The following NAPG variants were observed in gnomAD, a reference collection of about 807,000 sequenced individuals.
The protein encoded by NAPG is NSF attachment protein gamma, also known as gamma-soluble NSF attachment protein.
NAPG carries 25 observed loss-of-function variants against 48.4 expected under a neutral mutation model. The observed-to-expected ratio is 0.52, with a 90% CI of 0.38 to 0.72. The LOEUF (loss-of-function observed/expected upper bound fraction) is 0.72, where lower values mean the gene tolerates loss of function less well. NAPG is among the 30% of genes least tolerant of loss of function. The pLI, the probability that NAPG is intolerant of heterozygous loss-of-function variation, is 0.00. For missense variants in NAPG, 359 were observed against 372.5 expected (o/e 0.96, Z 0.30); for synonymous variants, 139 against 127.2 (o/e 1.09, Z -0.62).
Position 10,546,041 on chromosome 18 carries a change from G to A in NAPG, c.507-285G>A, listed in dbSNP as rs182665149. Among the ~76,000 whole-genome samples, 16 of 152,286 alleles carry A rather than the reference G, an allele frequency of 1.1e-4. No homozygotes were observed. Among genetic ancestry groups the A allele is most frequent in the African/African-American group, 2.9e-4 (12 of 41,560 alleles). On this transcript the variant is annotated intron_variant, in intron 8 of 11. Coordinates refer to ENST00000322897, the MANE Select transcript of NAPG (RefSeq NM_003826.3). The surrounding 1 kb of genome is among the most constrained non-coding windows in gnomAD (Gnocchi z 4.0). The stretch of plus-strand genomic sequence containing the variant: ...GTATCACGAAGAAGTCGTGACACTC[G>A]CTATTGGACAGTCCTTACTAAGCTT...
rs2032215166 is a variant in NAPG, at chr18:10,544,229, A to C, written c.507-2097A>C. On this transcript the variant is annotated intron_variant, in intron 8 of 11. Transcript: ENST00000322897. This position sits in a 1 kb window ranked among gnomAD's most constrained non-coding sequence, Gnocchi z 5.1. ...TTATTTCTGCATAGCAGATTGCTAC[A>C]AACTTAGCAGCTTAAAACAGTACTC... 6.6e-6 allele frequency among the ~76,000 whole-genome samples: 1 copy of C among 152,234 alleles called. No individual in the cohort carries two copies. The highest frequency in any genetic ancestry group is 2.4e-5 in the African/African-American group (1 of 41,464).
In NAPG at chr18:10,550,442, C is replaced by T. The variant is rs1332676491; in HGVS notation, c.*222C>T. 4.8e-6 allele frequency: 2 copies of T among 414,306 alleles called. No homozygotes were observed. Among genetic ancestry groups the T allele is most frequent in the Non-Finnish European group, 8.4e-6 (2 of 239,376 alleles). 25.7% of individuals were successfully genotyped at this position (414,306 alleles called of 1,614,324 possible). On this transcript the variant is annotated 3_prime_UTR_variant, in exon 12 of 12. Transcript: ENST00000322897. ...CATAAGAGCTTTTCTAAGACACCAGCAGGAATTAACAGAAAATGTACTGTC... is the reference window on the plus strand; with the variant it reads ...CATAAGAGCTTTTCTAAGACACCAGTAGGAATTAACAGAAAATGTACTGTC...
chr18:10,526,246 G>GCCC, intron 1 of NAPG, 88 bp downstream of exon 1: 1 of 490,186 alleles, frequency 2.0e-6, no homozygotes, highest in African/African-American at 2.0e-5. Context: ...GGGCGGGAGG[G>GCCC]AGGGCTCAGG....
rs532757726 is a variant in NAPG, at chr18:10,532,691, A to G, written c.125-20A>G. The stretch of plus-strand genomic sequence containing the variant: ...GAGGTTTTTAATGATGGAAATAGTC[A>G]ATTTTTTTTTCTATTTCAGCTGTTG... On this transcript the variant is annotated intron_variant, in intron 2 of 11. Transcript: ENST00000322897. 3.7e-5 allele frequency: 58 copies of G among 1,547,172 alleles called. No individual in the cohort carries two copies. The South Asian group carries it at 6.5e-4, about 17-fold the overall frequency.
At chr18:10,536,417 C>T (rs1215827850) in intron 5 of NAPG, among the ~76,000 whole-genome samples, 1 of 152,192 alleles carries the variant, frequency 6.6e-6, no homozygotes, top group Non-Finnish European at 1.5e-5. Flanking sequence ...ATTTTGTAGA[C>T]ATATGCACAA....
intron 4 of NAPG, among the ~76,000 whole-genome samples, chr18:10,533,795 T>C (rs1044787757): frequency 7.9e-6 from 1 of 127,050 alleles, no homozygotes; most frequent in Non-Finnish European, 1.7e-5. Context: ...TTCAGTAGCC[T>C]ATGGGAAAAA....
intron 2 of NAPG, 114 bp from the exon 3 acceptor site, chr18:10,532,597 C>A (rs1276851837): frequency 1.4e-6 from 1 of 716,040 alleles, no homozygotes; most frequent in Non-Finnish European, 2.2e-6. Flanking sequence ...TAGGATACTT[C>A]CTAAGTATTT....
chr18:10,547,003 C>T (rs67666665), intron 9 of NAPG, among the ~76,000 whole-genome samples: 7,977 of 152,174 alleles, frequency 0.052, 292 homozygotes, highest in Middle Eastern at 0.1. Flanking sequence ...GAGAAAATTC[C>T]GGAAAGGAGA....
intron 9 of NAPG, among the ~76,000 whole-genome samples, chr18:10,547,271 C>A (rs553485844): frequency 2.6e-5 from 4 of 152,192 alleles, no homozygotes; most frequent in Non-Finnish European, 5.9e-5. Context: ...TAGTCTGAAC[C>A]TAACTGGGGT....
rs192775253 is a variant in NAPG, at chr18:10,532,939, A to G, written c.209+144A>G. On this transcript the variant is annotated intron_variant, in intron 3 of 11. Coordinates refer to ENST00000322897, the MANE Select transcript of NAPG (RefSeq NM_003826.3). ...GATTAGAAAAATTCTGTATTTTTAA[A>G]CTATGAAGGAGCGTTTATAATGAAG... The G allele has an allele frequency of 1.1e-4, 79 of 735,432 alleles. 1 individual carries two copies. Among genetic ancestry groups the G allele is most frequent in the Non-Finnish European group, 1.6e-4 (71 of 455,412 alleles). The allele number at this position is 735,432 out of a possible 1,614,324, so 45.6% of individuals were successfully genotyped here. A position where few individuals can be genotyped will look rare whatever the true frequency, so the allele number is the denominator to read the frequency against.
chr18:10,552,080 T>G lies in NAPG; in HGVS notation c.*1860T>G, dbSNP rs1488357404. 5.3e-5 allele frequency: 8 copies of G among 152,220 alleles called. No individual in the cohort carries two copies. The highest frequency in any genetic ancestry group is 1.2e-4 in the Non-Finnish European group (8 of 68,040). 9.4% of individuals were successfully genotyped at this position (152,220 alleles called of 1,614,324 possible). ...AATTAGTAATCTGTTTAAACAGATT[T>G]GGCAATACTTTAAAGATACTGTAGA... On this transcript the variant is annotated 3_prime_UTR_variant, in exon 12 of 12. Coordinates refer to ENST00000322897, the MANE Select transcript of NAPG (RefSeq NM_003826.3).
In NAPG at chr18:10,546,391, C is replaced by G; in HGVS notation, c.572C>G (p.Pro191Arg). The change falls in exon 9 of 12, where the codon CCA (proline) becomes CGA (arginine). Residue 191 changes from proline (P) to arginine (R), a missense_variant. Transcript: ENST00000322897. This position sits in a 1 kb window ranked among gnomAD's most constrained non-coding sequence, Gnocchi z 4.0. Reference sequence around the variant, plus strand: ...ATTTATAAGGAAATTGAGAATTATCCAACTTGTTATAAGGTATTCTTTGAA... The same window carrying G: ...ATTTATAAGGAAATTGAGAATTATCGAACTTGTTATAAGGTATTCTTTGAA... ...KNIYKEIENY[P>R]TCYKKTIAQV... 6.5e-7 allele frequency: 1 copy of G among 1,548,714 alleles called. No individual in the cohort carries two copies. The highest frequency in any genetic ancestry group is 8.8e-7 in the Non-Finnish European group (1 of 1,136,948).
chr18:10,526,246 G>GGGGGGGGGGGGGGCC, intron 1 of NAPG, 88 bp downstream of exon 1: 1 of 490,186 alleles, frequency 2.0e-6, no homozygotes, highest in Non-Finnish European at 4.2e-6. Flanking sequence ...GGGCGGGAGG[G>GGGGGGGGGGGGGGCC]AGGGCTCAGG....
chr18:10,528,629 C>T (rs576227254), intron 1 of NAPG, among the ~76,000 whole-genome samples: 1 of 152,300 alleles, frequency 6.6e-6, no homozygotes, highest in East Asian at 1.9e-4. Flanking sequence ...GTAAGGTTGA[C>T]ATGCTTTAAT....
At chr18:10,540,228 C>A in intron 7 of NAPG, 101 bp from the exon 8 acceptor site, 1 of 1,137,048 alleles carries the variant, frequency 8.8e-7, no homozygotes, top group Non-Finnish European at 1.3e-6. Flanking sequence ...CGTGTTCCCC[C>A]CTTGATCCAG....
rs2031798653 is a variant in NAPG at position 10,526,036 on chromosome 18, C to T, written c.-67C>T. ...CTCGGCGTTCCCACGCCTATTTGGG[C>T]GGATTCTTGGCGCCGGAGGAAGAGG... is the stretch of plus-strand genomic sequence containing the variant. On this transcript the variant is annotated 5_prime_UTR_variant, in exon 1 of 12. Coordinates refer to ENST00000322897, the MANE Select transcript of NAPG (RefSeq NM_003826.3). 4.0e-6 allele frequency: 6 copies of T among 1,497,438 alleles called. No homozygotes were observed. The highest frequency in any genetic ancestry group is 3.4e-5 in the South Asian group (3 of 88,094). The allele number at this position is 1,497,438 out of a possible 1,614,324, so 92.8% of individuals were successfully genotyped here. A position where few individuals can be genotyped will look rare whatever the true frequency, so the allele number is the denominator to read the frequency against.
intron 8 of NAPG, among the ~76,000 whole-genome samples, chr18:10,541,718 G>A (rs2032161692): frequency 6.6e-6 from 1 of 152,146 alleles, no homozygotes; most frequent in Non-Finnish European, 1.5e-5. Context: ...AGAGCGCTAA[G>A]CCCCTTACTA....
Position 10,546,845 on chromosome 18 carries a change from G to A in NAPG, c.585+441G>A, listed in dbSNP as rs2032277496. On this transcript the variant is annotated intron_variant, in intron 9 of 11. Transcript: ENST00000322897. This position sits in a 1 kb window ranked among gnomAD's most constrained non-coding sequence, Gnocchi z 4.0. ...CTTTCTAACCAGCAATGGGAGAAGA[G>A]GTCCCATTGTTTTCCTCTCCTTTGG... Among the ~76,000 whole-genome samples the A allele has an allele frequency of 6.6e-6, 1 of 152,172 alleles. No homozygotes were observed. The highest frequency in any genetic ancestry group is 1.5e-5 in the Non-Finnish European group (1 of 68,032).
At chr18:10,537,424 G>A (rs2032057859) in intron 5 of NAPG, among the ~76,000 whole-genome samples, 1 of 152,168 alleles carries the variant, frequency 6.6e-6, no homozygotes, top group Admixed American at 6.5e-5. Context: ...AGTGGAAGTA[G>A]AGCATCATAG....
Sources: allele counts gnomAD v4.1 joint callset (sites outside exome capture counted in the v4.1 genomes callset), GRCh38; gene constraint gnomAD v4.1.1; non-coding constraint Gnocchi (gnomAD v3.1); transcripts MANE v1.5; gene names NCBI Gene and HGNC (gene_info 2026-07-23, HGNC 2026-07-21).